GALNT6: variants seen among roughly 807,000 people sequenced by gnomAD.
GALNT6 encodes GalNAc transferase 6.
GALNT6 carries 51 observed loss-of-function variants against 65.9 expected under a neutral mutation model. The observed-to-expected ratio is 0.77, with a 90% CI of 0.62 to 0.98. The LOEUF (loss-of-function observed/expected upper bound fraction) is 0.98. Ranked by LOEUF, GALNT6 falls within the 50% of genes least tolerant of loss-of-function variation. The probability of loss-of-function intolerance (pLI) is 0.00; values close to 1 mark genes in which losing one functional copy is unlikely to be tolerated. For synonymous variants in GALNT6, 323 were observed against 315.1 expected, an observed-to-expected ratio of 1.02 and a Z score of -0.26; for missense variants, 708 against 803.3, an observed-to-expected ratio of 0.88 and a Z score of 1.43.
At chr12:51,381,708 A>G (rs1947677326) in intron 2 of GALNT6, among the ~76,000 whole-genome samples, 1 of 152,254 alleles carries the variant, frequency 6.6e-6, no homozygotes, top group Admixed American at 6.5e-5. Flanking sequence ...GGGGGCAACT[A>G]ATACCTAACT....
chr12:51,358,044 TGTCATCCATCTGTGGG>T, intron 9 of GALNT6, 70 bp downstream of exon 9: 1 of 1,297,344 alleles, frequency 7.7e-7, no homozygotes, highest in Non-Finnish European at 1.1e-6. Context: ...AATTCTTGTT[TGTCATCCATCTGTGGG>T]GTCAGTGGTC....
At position 51,379,803 on chromosome 12, in the gene GALNT6, C is replaced by A; in HGVS notation, c.-22G>T. ...TCATCCTCCAGAACCAAGGGGCACCCCAGCTGCGTCAGCTCTGAGTCCTGA... is the reference window on the plus strand; with the variant it reads ...TCATCCTCCAGAACCAAGGGGCACCACAGCTGCGTCAGCTCTGAGTCCTGA... On this transcript the variant is annotated 5_prime_UTR_variant, in exon 3 of 12. Coordinates refer to ENST00000356317, the MANE Select transcript of GALNT6 (RefSeq NM_007210.4). The A allele has an allele frequency of 1.3e-6, 2 of 1,584,180 alleles. No individual in the cohort carries two copies. The highest frequency in any genetic ancestry group is 2.3e-5 in the East Asian group (1 of 44,360).
chr12:51,373,161 G>A (rs959896701), intron 4 of GALNT6, among the ~76,000 whole-genome samples: 1 of 152,166 alleles, frequency 6.6e-6, no homozygotes, highest in East Asian at 1.9e-4. Context: ...TAAGACTTTG[G>A]GGGGACTGTT....
chr12:51,363,911 G>A (rs1947005155), intron 6 of GALNT6, among the ~76,000 whole-genome samples: 1 of 152,232 alleles, frequency 6.6e-6, no homozygotes, highest in Non-Finnish European at 1.5e-5. Flanking sequence ...TTGCTCCACT[G>A]TTGCTAGCTG....
Position 51,379,884 on chromosome 12 carries a change from C to G in GALNT6, c.-103G>C. ...TGGTGGCCACAAGCTGGGGCCTCAG[C>G]CTGAGAAAGGAGGGGACAAGAGAGA... On this transcript the variant is annotated splice_region_variant and 5_prime_UTR_variant, in exon 3 of 12. Coordinates refer to ENST00000356317, the MANE Select transcript of GALNT6 (RefSeq NM_007210.4). The G allele has an allele frequency of 8.2e-7, 1 of 1,219,218 alleles. No homozygotes were observed. The highest frequency in any genetic ancestry group is 2.6e-5 in the Admixed American group (1 of 37,918). 75.5% of individuals were successfully genotyped at this position (1,219,218 alleles called of 1,614,324 possible).
Position 51,387,243 on chromosome 12 carries a change from G to C in GALNT6, c.-104+3607C>G, listed in dbSNP as rs1170661930. The stretch of plus-strand genomic sequence containing the variant: ...CTCCCGGGTAGCTGGGATTACAGGC[G>C]CCCGCCACCACGTCCGGCTAATTTT... On this transcript the variant is annotated intron_variant, in intron 2 of 11. Transcript: ENST00000356317. The surrounding 1 kb of genome is among the most constrained non-coding windows in gnomAD (Gnocchi z 4.2). Among the ~76,000 whole-genome samples the C allele has an allele frequency of 6.6e-6, 1 of 151,972 alleles. No individual in the cohort carries two copies. The highest frequency in any genetic ancestry group is 2.1e-4 in the South Asian group (1 of 4,820).
intron 4 of GALNT6, among the ~76,000 whole-genome samples, chr12:51,373,644 T>A (rs531731673): frequency 6.6e-6 from 1 of 152,208 alleles, no homozygotes; most frequent in South Asian, 2.1e-4. Flanking sequence ...AGGAGAAAGA[T>A]AACGAAAGAA....
chr12:51,370,157 G>A (rs1227970901), intron 4 of GALNT6, among the ~76,000 whole-genome samples: 3 of 152,346 alleles, frequency 2.0e-5, no homozygotes, highest in African/African-American at 7.2e-5. Context: ...AGTCACGATA[G>A]CCAAAGGCAG....
intron 7 of GALNT6, 36 bp from the exon 8 acceptor site, chr12:51,359,368 G>A (rs778867517): frequency 1.4e-6 from 2 of 1,441,182 alleles, no homozygotes; most frequent in Admixed American, 3.6e-5. Context: ...GCCTTCAGTG[G>A]GCTAGGTGAG....
chr12:51,389,227 G>T (rs1947936006), intron 2 of GALNT6, among the ~76,000 whole-genome samples: 2 of 152,214 alleles, frequency 1.3e-5, no homozygotes, highest in African/African-American at 4.8e-5. Context: ...CACCCAACCT[G>T]GTCTTCAGCA....
intron 4 of GALNT6, among the ~76,000 whole-genome samples, chr12:51,371,054 AATTATTATTATTATTATTATTATT>A (rs66469959): frequency 1.4e-5 from 2 of 144,450 alleles, no homozygotes; most frequent in African/African-American, 2.5e-5. Flanking sequence ...CCTTTTAAAA[AATTATTATTATTATTATTATTATT>A]ATTATTATTA....
intron 4 of GALNT6, among the ~76,000 whole-genome samples, chr12:51,376,739 C>A (rs1339885942): frequency 2.0e-5 from 3 of 151,970 alleles, no homozygotes; most frequent in Non-Finnish European, 4.4e-5. Flanking sequence ...GGGTCAGAGC[C>A]AGGCACACAG....
At chr12:51,360,552 T>G (rs1214963990) in intron 7 of GALNT6, among the ~76,000 whole-genome samples, 169 bp downstream of exon 7, 1 of 152,114 alleles carries the variant, frequency 6.6e-6, no homozygotes, top group Non-Finnish European at 1.5e-5. Context: ...CAAGCCCTAC[T>G]GCCATGGACA....
intron 4 of GALNT6, among the ~76,000 whole-genome samples, chr12:51,368,280 A>T (rs1947176545): frequency 6.6e-6 from 1 of 151,848 alleles, no homozygotes; most frequent in Non-Finnish European, 1.5e-5. Context: ...AGGGAAAGGG[A>T]GAGAAAGGGG....
chr12:51,355,713 C>G (rs1277522291), intron 11 of GALNT6, 93 bp downstream of exon 11: 2 of 1,217,318 alleles, frequency 1.6e-6, no homozygotes, highest in Non-Finnish European at 2.4e-6. Context: ...GTGATCTGCC[C>G]TCCTCGGCCT....
chr12:51,356,150 ATATATATATATGTGTGTGTG>A (rs1946737335), intron 10 of GALNT6, among the ~76,000 whole-genome samples, 192 bp from the exon 11 acceptor site: 1 of 150,356 alleles, frequency 6.7e-6, no homozygotes, highest in East Asian at 1.9e-4. Flanking sequence ...TTTTATATAC[ATATATATATATGTGTGTGTG>A]TATATATATA....
At chr12:51,367,553 T>C (rs1397809128) in intron 4 of GALNT6, among the ~76,000 whole-genome samples, 1 of 152,270 alleles carries the variant, frequency 6.6e-6, no homozygotes, top group Non-Finnish European at 1.5e-5. Flanking sequence ...GCCACGGTTC[T>C]GTTCTGTGCA....
chr12:51,365,466 C>T lies in GALNT6; in HGVS notation c.778G>A (p.Ala260Thr). Residue 260 changes from alanine (A) to threonine (T), a missense_variant, in exon 5 of 12, where the codon GCA becomes ACA. Physicochemically the swap from Ala to Thr is moderately conservative, Grantham distance 58 (BLOSUM62 0). Transcript: ENST00000356317. ...AGGAACGTGAGCACCTCCGCCTGTG[C>T]CACGCTGGCCCCCAGCAGCCGGGCG... Reference protein sequence around the residue: ...ITARLLGASVAQAEVLTFLDA... With the variant: ...ITARLLGASVTQAEVLTFLDA... 1 of 1,611,896 alleles carries T rather than the reference C, an allele frequency of 6.2e-7. No homozygotes were observed. The highest frequency in any genetic ancestry group is 8.5e-7 in the Non-Finnish European group (1 of 1,179,822).
Position 51,355,674 on chromosome 12 carries a change from TG to T in GALNT6, c.1755+131del, listed in dbSNP as rs1250642185. ...TAGTAGAGATGGGGTTTCACCATGT[TG>T]GCCAGGTGGTCTCGAACTCCTGACC... On this transcript the variant is annotated intron_variant, in intron 11 of 11. Transcript: ENST00000356317. 3 of 698,472 alleles carry T rather than the reference TG, an allele frequency of 4.3e-6. No individual in the cohort carries two copies. In the African/African-American group the frequency reaches 5.4e-5, roughly 13 times the overall value. The allele number at this position is 698,472 out of a possible 1,614,324, so 43.3% of individuals were successfully genotyped here.
Sources: gnomAD v4.1 joint callset for allele counts (sites outside exome capture counted in the v4.1 genomes callset) on GRCh38, gnomAD v4.1.1 for gene constraint, Gnocchi (gnomAD v3.1) non-coding constraint, MANE v1.5 for transcripts, NCBI Gene and HGNC (gene_info 2026-07-23, HGNC 2026-07-21) for gene names.